The following NOL4 variants were observed in gnomAD, a reference collection of about 807,000 sequenced individuals.
The protein encoded by NOL4 is nucleolar protein 4, also known as cancer/testis antigen 125.
In NOL4, 17 loss-of-function variants were observed where a neutral mutation model predicts 75.9. The observed-to-expected ratio is 0.22, with a 90% confidence interval of 0.15 to 0.34. The LOEUF is 0.34. NOL4 is among the 10% of genes least tolerant of loss of function. The pLI, the probability that NOL4 is intolerant of heterozygous loss-of-function variation, is 1.00. For missense variants in NOL4, 614 were observed against 793.5 expected (o/e 0.77, Z 2.72); for synonymous variants, 292 against 289.9 (o/e 1.01, Z -0.07).
intron 5 of NOL4, among the ~76,000 whole-genome samples, chr18:34,033,420 G>A (rs961585945): frequency 5.3e-5 from 8 of 151,814 alleles, no homozygotes; most frequent in Admixed American, 2.6e-4. Context: ...ACATTTGAAA[G>A]CTTCAGCAAT....
intron 1 of NOL4, among the ~76,000 whole-genome samples, chr18:34,177,189 C>A (rs1299961628): frequency 1.3e-5 from 2 of 151,808 alleles, no homozygotes; most frequent in Non-Finnish European, 2.9e-5. Flanking sequence ...TTGATTATTC[C>A]ATTTACATAA....
rs1226376797 is a variant in NOL4 at position 34,203,685 on chromosome 18, C to CCTCTCT, written c.264+19299_264+19304dup. On this transcript the variant is annotated intron_variant, in intron 1 of 10. Transcript: ENST00000261592. The stretch of plus-strand genomic sequence containing the variant: ...CCCCTGATCTCTTTCTCTCTCTCTC[C>CCTCTCT]CTCTCTCTCTCTCTCTCTCTCTCTC... Among the ~76,000 whole-genome samples, 238 of 100,680 alleles carry CCTCTCT rather than the reference C, an allele frequency of 2.4e-3. 5 individuals carry two copies. Among genetic ancestry groups the CCTCTCT allele is most frequent in the East Asian group, 8.4e-3 (26 of 3,102 alleles). The allele number at this position is 100,680 out of a possible 152,430, so 66.0% of individuals were successfully genotyped here.
chr18:34,184,268 A>G (rs941694623), intron 1 of NOL4, among the ~76,000 whole-genome samples: 3 of 151,888 alleles, frequency 2.0e-5, no homozygotes, highest in Non-Finnish European at 4.4e-5. Context: ...TATCATTGTT[A>G]TTACTACCAT....
chr18:33,860,561 G>C (rs913773296), intron 10 of NOL4, among the ~76,000 whole-genome samples: 5 of 152,110 alleles, frequency 3.3e-5, no homozygotes, highest in African/African-American at 9.7e-5. Flanking sequence ...TCTAGATATA[G>C]AATCATGTTG....
At chr18:34,106,607 G>C (rs1356010335) in intron 2 of NOL4, among the ~76,000 whole-genome samples, 1 of 151,696 alleles carries the variant, frequency 6.6e-6, no homozygotes, top group African/African-American at 2.4e-5. Flanking sequence ...TGAGGAAAAT[G>C]ATCAGAACAA....
chr18:33,929,178 A>G (rs2067526148), intron 9 of NOL4, among the ~76,000 whole-genome samples: 1 of 152,172 alleles, frequency 6.6e-6, no homozygotes, highest in Non-Finnish European at 1.5e-5. Flanking sequence ...TTCACAGGAC[A>G]TAAGGACATA....
rs138960987 is a variant in NOL4, at chr18:33,896,526, G to A, written c.1543-13102C>T. Among the ~76,000 whole-genome samples the A allele has an allele frequency of 5.9e-5, 9 of 152,226 alleles. No homozygotes were observed. In the East Asian group the frequency reaches 1.5e-3, roughly 26 times the overall value. ...AACAAAGCTGACAAAAACAAGCAAT[G>A]AGGAAAAGATTTCCTATTCAATAAA... On this transcript the variant is annotated intron_variant, in intron 9 of 10. Coordinates refer to ENST00000261592, the MANE Select transcript of NOL4 (RefSeq NM_003787.5).
chr18:34,080,800 T>G (rs1320189723), intron 5 of NOL4, among the ~76,000 whole-genome samples: 1 of 152,148 alleles, frequency 6.6e-6, no homozygotes, highest in Non-Finnish European at 1.5e-5. Context: ...GAAGCACAGT[T>G]TAATGGAAAG....
intron 6 of NOL4, among the ~76,000 whole-genome samples, chr18:33,987,616 G>T (rs1042169701): frequency 1.3e-5 from 2 of 152,118 alleles, no homozygotes; most frequent in Non-Finnish European, 2.9e-5. Flanking sequence ...AACGATAACT[G>T]CAGGAAAGTA....
rs183311054 is a variant in NOL4, at chr18:33,851,640, G to A, written c.*1202C>T. On this transcript the variant is annotated 3_prime_UTR_variant, in exon 11 of 11. Transcript: ENST00000261592. ...CCCTAAATATTTAAAAAATAGGCTTGTCTCAGTGCACAAAGAAAACATCAC... is the reference window on the plus strand; with the variant it reads ...CCCTAAATATTTAAAAAATAGGCTTATCTCAGTGCACAAAGAAAACATCAC... 1 of 152,478 alleles carries A rather than the reference G, an allele frequency of 6.6e-6. No individual in the cohort carries two copies. Among genetic ancestry groups the A allele is most frequent in the African/African-American group, 2.4e-5 (1 of 41,546 alleles). The allele number at this position is 152,478 out of a possible 1,614,324, so 9.4% of individuals were successfully genotyped here. A position where few individuals can be genotyped will look rare whatever the true frequency, so the allele number is the denominator to read the frequency against.
At chr18:33,910,125 T>C (rs962475317) in intron 9 of NOL4, among the ~76,000 whole-genome samples, 4 of 152,236 alleles carry the variant, frequency 2.6e-5, no homozygotes, top group Admixed American at 6.5e-5. Flanking sequence ...TTGAGGATTT[T>C]GTTTAATTGT....
intron 1 of NOL4, among the ~76,000 whole-genome samples, chr18:34,199,276 G>A (rs1048276086): frequency 6.6e-6 from 1 of 151,380 alleles, no homozygotes; most frequent in African/African-American, 2.4e-5. Context: ...GTGGTACCAG[G>A]GCCACATCTG....
chr18:34,070,684 G>A (rs1468337240), intron 5 of NOL4, among the ~76,000 whole-genome samples: 2 of 152,124 alleles, frequency 1.3e-5, no homozygotes, highest in African/African-American at 2.4e-5. Context: ...TCTGTCACTA[G>A]TAGAAGCTGC....
intron 6 of NOL4, among the ~76,000 whole-genome samples, chr18:33,985,119 C>T (rs1020315237): frequency 1.3e-5 from 2 of 151,904 alleles, no homozygotes; most frequent in Non-Finnish European, 1.5e-5. Context: ...AAAATTATTT[C>T]CCAAAGAAAA....
intron 1 of NOL4, among the ~76,000 whole-genome samples, chr18:34,162,965 T>A (rs1399669853): frequency 3.3e-5 from 5 of 152,128 alleles, no homozygotes; most frequent in Non-Finnish European, 2.9e-5. Context: ...TAATCCAGCA[T>A]ATAAACAGAA....
At chr18:34,153,825 C>T (rs1029768291) in intron 1 of NOL4, among the ~76,000 whole-genome samples, 2 of 152,030 alleles carry the variant, frequency 1.3e-5, no homozygotes, top group Non-Finnish European at 2.9e-5. Flanking sequence ...AGCATGGTAG[C>T]TCTGCCATCT....
At chr18:34,216,053 T>A (rs1365477530) in intron 1 of NOL4, among the ~76,000 whole-genome samples, 1 of 152,138 alleles carries the variant, frequency 6.6e-6, no homozygotes, top group African/African-American at 2.4e-5. Context: ...ACCCAGGCAA[T>A]CCTGACCTGT....
chr18:34,145,178 A>G (rs2081346478), intron 1 of NOL4, among the ~76,000 whole-genome samples: 1 of 152,176 alleles, frequency 6.6e-6, no homozygotes, highest in African/African-American at 2.4e-5. Context: ...AAATTTTGAT[A>G]TATCAAACAT....
chr18:33,974,782 A>G (rs2071363178), intron 6 of NOL4, among the ~76,000 whole-genome samples: 1 of 152,204 alleles, frequency 6.6e-6, no homozygotes, highest in Non-Finnish European at 1.5e-5. Flanking sequence ...CTATCTGTGA[A>G]GTACAATAAC....
Sources: gnomAD v4.1 joint callset for allele counts (sites outside exome capture counted in the v4.1 genomes callset) on GRCh38, gnomAD v4.1.1 for gene constraint, MANE v1.5 for transcripts, NCBI Gene and HGNC (gene_info 2026-07-23, HGNC 2026-07-21) for gene names.